The following MAD1L1 variants were observed in gnomAD, a reference collection of about 807,000 sequenced individuals.
MAD1L1 encodes the protein mitotic spindle assembly checkpoint protein MAD1.
A neutral mutation model predicts 96.9 loss-of-function variants in MAD1L1; 95 were observed. The observed-to-expected ratio is 0.98, with a 90% CI of 0.83 to 1.16. The LOEUF (loss-of-function observed/expected upper bound fraction) is 1.16, where lower values mean the gene tolerates loss of function less well. Among genes scored for constraint, MAD1L1 ranks in the 50% most tolerant of loss-of-function variants. The pLI is 0.00. For missense variants in MAD1L1, 1,007 were observed against 954.4 expected (o/e 1.06, Z -0.73); for synonymous variants, 473 against 396.6 (o/e 1.19, Z -2.29).
intron 12 of MAD1L1, among the ~76,000 whole-genome samples, chr7:2,017,488 G>C (rs568518258): frequency 6.6e-6 from 1 of 152,310 alleles, no homozygotes; most frequent in East Asian, 1.9e-4. Flanking sequence ...TGGATACACC[G>C]GCCGATGGGG....
intron 18 of MAD1L1, among the ~76,000 whole-genome samples, chr7:1,879,937 A>G (rs1252909810): frequency 3.3e-5 from 5 of 152,146 alleles, no homozygotes; most frequent in East Asian, 1.9e-4. Context: ...TCACTCTGTT[A>G]GCCAGGATGG....
At chr7:1,959,818 G>A (rs10950473) in intron 15 of MAD1L1, among the ~76,000 whole-genome samples, 44,251 of 152,034 alleles carry the variant, frequency 0.29, 7,771 homozygotes, top group East Asian at 0.46. Flanking sequence ...GAGGGAGGAC[G>A]AGGGCGGGGC....
At chr7:2,068,690 C>T (rs1276336557) in intron 12 of MAD1L1, among the ~76,000 whole-genome samples, 3 of 152,222 alleles carry the variant, frequency 2.0e-5, no homozygotes, top group African/African-American at 7.2e-5. Flanking sequence ...CATGCTCCAG[C>T]GACCTCTGCT....
Position 1,816,193 on chromosome 7 carries a change from C to T in MAD1L1, c.2034G>A (p.Leu678=). 1 of 1,613,146 alleles carries T rather than the reference C, an allele frequency of 6.2e-7. No homozygotes were observed. The highest frequency in any genetic ancestry group is 1.7e-4 in the Middle Eastern group (1 of 5,862). The change falls in exon 19 of 19, where the codon CTG becomes CTA. Residue 678 remains leucine, a synonymous_variant. Coordinates refer to ENST00000265854, the MANE Select transcript of MAD1L1 (RefSeq NM_001013836.2). ...CCACGGTGTGTGAGAACTCTGTCTC[C>T]AGTAGCTGCATCTTGGAACCCGAGG... ...TSPSGSKMQL[L]ETEFSHTVGE...
At chr7:2,215,538 A>G (rs1793220579) in intron 9 of MAD1L1, among the ~76,000 whole-genome samples, 1 of 152,170 alleles carries the variant, frequency 6.6e-6, no homozygotes, top group Non-Finnish European at 1.5e-5. Context: ...TCCAGCTTCC[A>G]GATGACCCAC....
chr7:2,134,054 T>A lies in MAD1L1; in HGVS notation c.1073+15098A>T, dbSNP rs192798145. On this transcript the variant is annotated intron_variant, in intron 11 of 18. Transcript: ENST00000265854. ...ATATAAACTTTAGAATCTGTTGATA[T>A]CCACAAATATAACTTGCTGGGATTC... Among the ~76,000 whole-genome samples the A allele has an allele frequency of 4.6e-5, 7 of 152,336 alleles. No homozygotes were observed. The South Asian group carries it at 6.2e-4, about 14-fold the overall frequency.
intron 10 of MAD1L1, among the ~76,000 whole-genome samples, chr7:2,162,690 T>C (rs1312153308): frequency 1.4e-5 from 2 of 139,244 alleles, no homozygotes; most frequent in Non-Finnish European, 3.1e-5. Flanking sequence ...AATAAAGTTA[T>C]CTATAATCCA....
At chr7:2,102,202 T>TCACCACCGC (rs1158667017) in intron 11 of MAD1L1, among the ~76,000 whole-genome samples, 2 of 147,374 alleles carry the variant, frequency 1.4e-5, no homozygotes, top group African/African-American at 2.5e-5. Flanking sequence ...ATCACCACCG[T>TCACCACCGC]CACCGTCACC....
chr7:2,114,805 T>C lies in MAD1L1; in HGVS notation c.1073+34347A>G, dbSNP rs1483136038. Among the ~76,000 whole-genome samples the C allele has an allele frequency of 6.6e-6, 1 of 151,396 alleles. No individual in the cohort carries two copies. The highest frequency in any genetic ancestry group is 1.5e-5 in the Non-Finnish European group (1 of 67,880). ...CACCTGCCCGGCAAACCCCAAAGAG[T>C]CCGTTCTGGCCCTTCACACAAGACA... On this transcript the variant is annotated intron_variant, in intron 11 of 18. Transcript: ENST00000265854. The surrounding 1 kb of genome is among the most constrained non-coding windows in gnomAD (Gnocchi z 4.2).
At chr7:2,154,576 G>A (rs59373690) in intron 10 of MAD1L1, among the ~76,000 whole-genome samples, 2,426 of 152,142 alleles carry the variant, frequency 0.016, 67 homozygotes, top group African/African-American at 0.055. Context: ...TTCTGTGCAC[G>A]TAAGAAAATA....
At chr7:2,166,412 G>A (rs115967644) in intron 10 of MAD1L1, among the ~76,000 whole-genome samples, 1,853 of 152,224 alleles carry the variant, frequency 0.012, 42 homozygotes, top group African/African-American at 0.042. Flanking sequence ...AATTAAGCCC[G>A]TGTGACCACC....
intron 16 of MAD1L1, among the ~76,000 whole-genome samples, chr7:1,949,688 C>T (rs775623098): frequency 1.7e-4 from 26 of 152,240 alleles, no homozygotes; most frequent in Non-Finnish European, 2.9e-4. Flanking sequence ...TGCTCTCATC[C>T]GTTTCTCTGC....
chr7:1,854,318 G>A (rs1480144334), intron 18 of MAD1L1: 1 of 459,084 alleles, frequency 2.2e-6, no homozygotes, highest in South Asian at 1.6e-5. Flanking sequence ...CGGACGTCCT[G>A]GGCCCCGGCA....
intron 18 of MAD1L1, among the ~76,000 whole-genome samples, chr7:1,863,602 T>G (rs536071529): frequency 6.6e-6 from 1 of 152,318 alleles, no homozygotes; most frequent in African/African-American, 2.4e-5. Context: ...GACTTGGGCT[T>G]GCAGAGACCG....
chr7:1,914,779 A>AATTATTATC (rs1554293763), intron 17 of MAD1L1, among the ~76,000 whole-genome samples: 2 of 151,468 alleles, frequency 1.3e-5, no homozygotes, highest in Non-Finnish European at 2.9e-5. Context: ...ACACCCGGCT[A>AATTATTATC]ATTATTATTA....
At chr7:1,856,006 G>A (rs138313709) in intron 18 of MAD1L1, among the ~76,000 whole-genome samples, 176 of 152,274 alleles carry the variant, frequency 1.2e-3, no homozygotes, top group Middle Eastern at 3.4e-3. Context: ...GCACTTCCTC[G>A]CGGTGCGCTC....
intron 11 of MAD1L1, among the ~76,000 whole-genome samples, chr7:2,072,352 C>T (rs569945529): frequency 6.6e-6 from 1 of 152,332 alleles, no homozygotes; most frequent in East Asian, 1.9e-4. Flanking sequence ...TCTTTCCTAT[C>T]CCATCAGCCG....
rs977825557 is a variant in MAD1L1 at position 1,968,252 on chromosome 7, G to A, written c.1506-10533C>T. ...CCTCAGTCCGGCGGTCAGGTCCACC[G>A]TCAACACCAGCGGTCTTGTCCACAT... is the stretch of plus-strand genomic sequence containing the variant. On this transcript the variant is annotated intron_variant, in intron 15 of 18. Coordinates refer to ENST00000265854, the MANE Select transcript of MAD1L1 (RefSeq NM_001013836.2). This position sits in a 1 kb window ranked among gnomAD's most constrained non-coding sequence, Gnocchi z 5.6. Among the ~76,000 whole-genome samples, 3 of 151,114 alleles carry A rather than the reference G, an allele frequency of 2.0e-5. No individual in the cohort carries two copies. Among genetic ancestry groups the A allele is most frequent in the Non-Finnish European group, 3.0e-5 (2 of 67,744 alleles).
chr7:2,143,425 A>T (rs1214261835), intron 11 of MAD1L1, among the ~76,000 whole-genome samples: 4 of 151,190 alleles, frequency 2.6e-5, no homozygotes, highest in Non-Finnish European at 5.9e-5. Flanking sequence ...CGGCCTAACC[A>T]CCTGGGACCA....
Sources: gnomAD v4.1 joint callset for allele counts (sites outside exome capture counted in the v4.1 genomes callset) on GRCh38, gnomAD v4.1.1 for gene constraint, Gnocchi (gnomAD v3.1) non-coding constraint, MANE v1.5 for transcripts, NCBI Gene and HGNC (gene_info 2026-07-23, HGNC 2026-07-21) for gene names.